The following RP1 variants were observed in gnomAD, a reference collection of about 807,000 sequenced individuals.
The protein encoded by RP1 is RP1 axonemal microtubule associated, also known as oxygen-regulated protein 1.
A neutral mutation model predicts 14.8 loss-of-function variants in RP1; 16 were observed. The ratio of observed to expected loss-of-function variants is 1.08; its 90% CI spans 0.73 to 1.65. The LOEUF is 1.65. RP1 is among the 40% of genes most tolerant of loss of function. The pLI is 0.00. For synonymous variants in RP1, 876 were observed against 883.6 expected (o/e 0.99, Z 0.15); for missense variants, 2,631 against 2,535.0 (o/e 1.04, Z -0.81).
downstream of RP1, among the ~76,000 whole-genome samples, chr8:54,634,915 A>G (rs1473218160): frequency 2.6e-5 from 4 of 152,050 alleles, no homozygotes; most frequent in Non-Finnish European, 1.5e-5. Context: ...CTCCATCTCT[A>G]CTAAAAATAC....
At chr8:54,728,867 T>C (rs958991290) in intron 17 of RP1, among the ~76,000 whole-genome samples, 2 of 152,118 alleles carry the variant, frequency 1.3e-5, no homozygotes, top group African/African-American at 2.4e-5. Flanking sequence ...TGAACCCCCA[T>C]GTACCCATCA....
At position 54,802,638 on chromosome 8, in the gene RP1, G is replaced by A. The variant is rs185197077; in HGVS notation, c.3615+18928G>A. Among the ~76,000 whole-genome samples the A allele has an allele frequency of 5.3e-5, 8 of 152,240 alleles. No individual in the cohort carries two copies. In the East Asian group the frequency reaches 5.8e-4, roughly 11 times the overall value. ...AAAGGCTGCTATTCATTTCAATGTCGTTCAGCAAGTATTTCTATGATACAC... is the reference window on the plus strand; with the variant it reads ...AAAGGCTGCTATTCATTTCAATGTCATTCAGCAAGTATTTCTATGATACAC... On this transcript the variant is annotated intron_variant, in intron 24 of 28. Transcript: ENST00000637698.
intron 13 of RP1, chr8:54,699,593 G>A (rs1375643539): frequency 1.7e-6 from 2 of 1,154,534 alleles, no homozygotes; most frequent in African/African-American, 1.6e-5. Flanking sequence ...TTTTCTTTTT[G>A]CCATATATCA....
intron 24 of RP1, among the ~76,000 whole-genome samples, chr8:54,814,852 AT>A (rs2129394589): frequency 6.6e-6 from 1 of 152,224 alleles, no homozygotes; most frequent in South Asian, 2.1e-4. Flanking sequence ...AAACACCAAC[AT>A]GCACACACTC....
intron 19 of RP1, among the ~76,000 whole-genome samples, chr8:54,744,394 C>A (rs909994536): frequency 6.6e-6 from 1 of 152,002 alleles, no homozygotes; most frequent in African/African-American, 2.4e-5. Context: ...CAGAGAGCCC[C>A]GAAGGGAAGG....
At chr8:54,781,258 A>G (rs751785336) in intron 23 of RP1, among the ~76,000 whole-genome samples, 7 of 152,154 alleles carry the variant, frequency 4.6e-5, no homozygotes, top group Non-Finnish European at 1.0e-4. Context: ...AAAACATTGT[A>G]AATATAAGAT....
intron 24 of RP1, among the ~76,000 whole-genome samples, chr8:54,805,208 A>T (rs944256845): frequency 2.6e-5 from 4 of 152,222 alleles, no homozygotes; most frequent in African/African-American, 7.2e-5. Flanking sequence ...CTCTGTCAAG[A>T]CCATTTAACT....
intron 15 of RP1, chr8:54,720,086 A>T: frequency 2.2e-6 from 3 of 1,375,468 alleles, no homozygotes; most frequent in Non-Finnish European, 2.9e-6. Flanking sequence ...TCTGTCTTTT[A>T]GGACTTGCTC....
chr8:54,641,438 C>T (rs1311664942), intron 3 of RP1, among the ~76,000 whole-genome samples: 1 of 152,128 alleles, frequency 6.6e-6, no homozygotes, highest in African/African-American at 2.4e-5. Flanking sequence ...AATTTGTCCT[C>T]TGAAATTTCC....
chr8:54,704,780 A>G (rs1194331282), intron 14 of RP1, among the ~76,000 whole-genome samples: 1 of 152,194 alleles, frequency 6.6e-6, no homozygotes, highest in Non-Finnish European at 1.5e-5. Flanking sequence ...ATCTCATGTT[A>G]TTTAGCTTAA....
At chr8:54,599,268 T>C (rs1028472237) in intron 1 of RP1, among the ~76,000 whole-genome samples, 2 of 152,214 alleles carry the variant, frequency 1.3e-5, no homozygotes, top group African/African-American at 4.8e-5. Context: ...TTTTGATTAC[T>C]GTAGTTTTCA....
At chr8:54,854,565 T>C (rs1021957495) in intron 26 of RP1, among the ~76,000 whole-genome samples, 4 of 152,340 alleles carry the variant, frequency 2.6e-5, no homozygotes, top group Non-Finnish European at 1.5e-5. Context: ...ATTAGGACTT[T>C]AAAAGTGTTT....
intron 1 of RP1, among the ~76,000 whole-genome samples, chr8:54,616,510 A>G (rs1156273802): frequency 6.6e-6 from 1 of 152,226 alleles, no homozygotes; most frequent in African/African-American, 2.4e-5. Flanking sequence ...TCTAGGCAAT[A>G]CACTAAAGAA....
At chr8:54,746,324 G>A (rs186360254) in intron 19 of RP1, among the ~76,000 whole-genome samples, 56 of 152,278 alleles carry the variant, frequency 3.7e-4, no homozygotes, top group African/African-American at 1.3e-3. Flanking sequence ...TGGGGCTTTT[G>A]ATCTAGTGGT....
chr8:54,584,914 T>G (rs1001004749), intron 1 of RP1, among the ~76,000 whole-genome samples: 4 of 152,212 alleles, frequency 2.6e-5, no homozygotes, highest in Non-Finnish European at 5.9e-5. Context: ...GAGATGGGTT[T>G]CCTGAATACA....
rs1804240291 is a variant in RP1, at chr8:54,559,603, G to A, written c.-13+283G>A. Among the ~76,000 whole-genome samples, 3 of 152,178 alleles carry A rather than the reference G, an allele frequency of 2.0e-5. No homozygotes were observed. The South Asian group carries it at 6.2e-4, about 32-fold the overall frequency. On this transcript the variant is annotated intron_variant, in intron 1 of 22. Transcript: ENST00000636932. ...TTTGTAAGGTATTGTAGTTTTGAGA[G>A]GGAGTTTGGACAGATATCCTCACGG...
At chr8:54,638,722 G>A (rs924505866) in intron 3 of RP1, among the ~76,000 whole-genome samples, 1 of 151,846 alleles carries the variant, frequency 6.6e-6, no homozygotes, top group Non-Finnish European at 1.5e-5. Flanking sequence ...TGCTACACTA[G>A]GCATTCAGTA....
chr8:54,847,687 A>C (rs1466911665), intron 25 of RP1, among the ~76,000 whole-genome samples: 1 of 152,224 alleles, frequency 6.6e-6, no homozygotes, highest in African/African-American at 2.4e-5. Context: ...GATTGCTGAT[A>C]GATATCACAG....
chr8:54,865,144 C>A (rs1047972487), intron 27 of RP1, among the ~76,000 whole-genome samples: 7 of 151,636 alleles, frequency 4.6e-5, no homozygotes, highest in Non-Finnish European at 1.0e-4. Flanking sequence ...GCTTTTTAAC[C>A]TTTTCTCTCT....
Sources: allele counts gnomAD v4.1 joint callset (sites outside exome capture counted in the v4.1 genomes callset), GRCh38; gene constraint gnomAD v4.1.1; transcripts MANE v1.5; gene names NCBI Gene and HGNC (gene_info 2026-07-23, HGNC 2026-07-21).